MDGA2: variants seen among roughly 807,000 people sequenced by gnomAD.
MDGA2 encodes MAM domain containing glycosylphosphatidylinositol anchor 2, also known as MAM domain-containing glycosylphosphatidylinositol anchor protein 2.
MDGA2 carries 40 observed loss-of-function variants against 117.8 expected under a neutral mutation model. That is an observed-to-expected ratio of 0.34 (90% CI 0.26 to 0.44). The LOEUF (loss-of-function observed/expected upper bound fraction) is 0.44. Among genes scored for constraint, MDGA2 ranks in the 20% least tolerant of loss-of-function variants. The probability of loss-of-function intolerance (pLI) is 1.00; values close to 1 mark genes in which losing one functional copy is unlikely to be tolerated. For missense variants in MDGA2, 1,123 were observed against 1,250.6 expected (o/e 0.90, Z 1.54); for synonymous variants, 452 against 439.0 (o/e 1.03, Z -0.37).
chr14:47,601,694 G>T (rs1400971886), intron 1 of MDGA2, among the ~76,000 whole-genome samples: 1 of 152,038 alleles, frequency 6.6e-6, no homozygotes, highest in Non-Finnish European at 1.5e-5. Flanking sequence ...AAAAAATGTG[G>T]GTAAAAGATT....
intron 5 of MDGA2, among the ~76,000 whole-genome samples, chr14:47,101,212 AAAGG>A (rs1164337336): frequency 1.3e-5 from 2 of 152,168 alleles, no homozygotes; most frequent in African/African-American, 4.8e-5. Flanking sequence ...AAAAGGAAAG[AAAGG>A]AAGGGAAAGG....
intron 1 of MDGA2, among the ~76,000 whole-genome samples, chr14:47,332,138 A>C (rs776185075): frequency 2.0e-5 from 3 of 152,048 alleles, no homozygotes; most frequent in Non-Finnish European, 2.9e-5. Flanking sequence ...CCTGGATCAA[A>C]TCTAAACTTC....
intron 10 of MDGA2, among the ~76,000 whole-genome samples, chr14:46,883,695 G>A (rs1446764811): frequency 6.6e-6 from 1 of 151,866 alleles, no homozygotes; most frequent in Non-Finnish European, 1.5e-5. Context: ...TCTTTTACAA[G>A]CACTTTGAAG....
chr14:47,424,825 T>C (rs1456008622), intron 1 of MDGA2, among the ~76,000 whole-genome samples: 1 of 152,162 alleles, frequency 6.6e-6, no homozygotes, highest in African/African-American at 2.4e-5. Context: ...TACCCTCCCA[T>C]TGCCTAGCTA....
At chr14:46,963,798 C>T (rs1480242249) in intron 8 of MDGA2, among the ~76,000 whole-genome samples, 1 of 152,172 alleles carries the variant, frequency 6.6e-6, no homozygotes, top group Non-Finnish European at 1.5e-5. Context: ...ACCTAAAATT[C>T]TCCAATCATT....
chr14:47,660,663 C>G (rs1897828979), intron 1 of MDGA2, among the ~76,000 whole-genome samples: 1 of 152,154 alleles, frequency 6.6e-6, no homozygotes, highest in South Asian at 2.1e-4. Flanking sequence ...AAAAATCAGG[C>G]CAAATATGAC....
At chr14:47,283,694 T>C (rs1197947072) in intron 2 of MDGA2, among the ~76,000 whole-genome samples, 2 of 152,220 alleles carry the variant, frequency 1.3e-5, no homozygotes, top group Non-Finnish European at 2.9e-5. Context: ...GACTATACTT[T>C]TGTTTTTGCT....
chr14:47,069,018 T>C (rs1890183342), intron 6 of MDGA2, among the ~76,000 whole-genome samples: 1 of 152,148 alleles, frequency 6.6e-6, no homozygotes, highest in African/African-American at 2.4e-5. Context: ...TATTTCCTCT[T>C]CCATACTGTA....
intron 1 of MDGA2, among the ~76,000 whole-genome samples, chr14:47,354,809 A>G (rs1425889937): frequency 6.6e-6 from 1 of 152,098 alleles, no homozygotes; most frequent in Non-Finnish European, 1.5e-5. Flanking sequence ...GTCACTGGTA[A>G]TCTAGATCTG....
intron 9 of MDGA2, among the ~76,000 whole-genome samples, chr14:46,932,535 C>T (rs757701674): frequency 6.6e-6 from 1 of 151,948 alleles, no homozygotes; most frequent in Non-Finnish European, 1.5e-5. Flanking sequence ...AGTTTTATAA[C>T]CTTTCCTAAA....
At chr14:46,867,890 A>T (rs1452372598) in intron 14 of MDGA2, among the ~76,000 whole-genome samples, 10 of 150,622 alleles carry the variant, frequency 6.6e-5, no homozygotes, top group Admixed American at 6.0e-4. Flanking sequence ...TATAGATGAA[A>T]ATTCAAGTTA....
chr14:47,414,331 T>C (rs112681207), intron 1 of MDGA2, among the ~76,000 whole-genome samples: 79 of 152,270 alleles, frequency 5.2e-4, no homozygotes, highest in Admixed American at 1.3e-3. Flanking sequence ...CTTTCTACGA[T>C]TGAGTATTTT....
In MDGA2 at chr14:47,350,227, G is replaced by T. The variant is rs112504250; in HGVS notation, c.281-48677C>A. On this transcript the variant is annotated intron_variant, in intron 1 of 16. Coordinates refer to ENST00000399232, the MANE Select transcript of MDGA2 (RefSeq NM_001113498.3). Reference sequence around the variant, plus strand: ...ATACCATGATCTGCAACTGTATTGTGTGTAAGTTCACCCAAGGGCACTAGC... The same window carrying T: ...ATACCATGATCTGCAACTGTATTGTTTGTAAGTTCACCCAAGGGCACTAGC... 9.1e-3 allele frequency among the ~76,000 whole-genome samples: 1,392 copies of T among 152,246 alleles called. 21 individuals are homozygous for T. The highest frequency in any genetic ancestry group is 0.031 in the African/African-American group (1,298 of 41,542).
In MDGA2 at chr14:47,551,568, G is replaced by T. The variant is rs530227845; in HGVS notation, c.280+122949C>A. The stretch of plus-strand genomic sequence containing the variant: ...ATAATTTCAACCTTTCCCCCAATTT[G>T]ATCTCTTATTAATCACTGATAGACA... On this transcript the variant is annotated intron_variant, in intron 1 of 16. Transcript: ENST00000399232. Among the ~76,000 whole-genome samples the T allele has an allele frequency of 5.9e-5, 9 of 152,128 alleles. No homozygotes were observed. The East Asian group carries it at 1.7e-3, about 29-fold the overall frequency.
At chr14:46,865,426 C>A (rs999427221) in intron 14 of MDGA2, among the ~76,000 whole-genome samples, 1 of 152,088 alleles carries the variant, frequency 6.6e-6, no homozygotes, top group African/African-American at 2.4e-5. Context: ...AAACCCACAG[C>A]CAATATCATA....
rs1308056759 is a variant in MDGA2 at position 47,301,549 on chromosome 14, A to G, written c.282T>C (p.Ala94=). 6.4e-7 allele frequency: 1 copy of G among 1,551,438 alleles called. No individual in the cohort carries two copies. Among genetic ancestry groups the G allele is most frequent in the East Asian group, 2.4e-5 (1 of 40,906 alleles). Residue 94 remains alanine, a splice_region_variant and synonymous_variant, in exon 2 of 17, where the codon GCT becomes GCC. Coordinates refer to ENST00000399232, the MANE Select transcript of MDGA2 (RefSeq NM_001113498.3). ...AGTGCACAATACGAACCGTGGGAGG[A>G]GCTGTCGAGTCAGGAAGAAGAGAGA... ...LEGISGQGVY[A]PPTVRIVHSG...
At chr14:47,367,332 G>T (rs1188371557) in intron 1 of MDGA2, among the ~76,000 whole-genome samples, 1 of 152,056 alleles carries the variant, frequency 6.6e-6, no homozygotes, top group Non-Finnish European at 1.5e-5. Flanking sequence ...AAAAATATTT[G>T]TCTCTGGCTG....
intron 1 of MDGA2, among the ~76,000 whole-genome samples, chr14:47,595,539 C>A (rs929181531): frequency 5.0e-5 from 5 of 100,134 alleles, no homozygotes; most frequent in South Asian, 3.1e-4. Flanking sequence ...TCTAAAAAAA[C>A]CAAAAAACAA....
chr14:47,406,334 C>T (rs2416066), intron 1 of MDGA2, among the ~76,000 whole-genome samples: 52,955 of 151,746 alleles, frequency 0.35, 9,647 homozygotes, highest in East Asian at 0.56. Flanking sequence ...AAAAACAATA[C>T]AAATTTCTGA....
Sources: allele counts gnomAD v4.1 joint callset (sites outside exome capture counted in the v4.1 genomes callset), GRCh38; gene constraint gnomAD v4.1.1; transcripts MANE v1.5; gene names NCBI Gene and HGNC (gene_info 2026-07-23, HGNC 2026-07-21).